The following DIP2A variants were observed in gnomAD, a reference collection of about 807,000 sequenced individuals.
DIP2A encodes disco-interacting protein 2 homolog A.
A neutral mutation model predicts 177.4 loss-of-function variants in DIP2A; 85 were observed. The observed-to-expected ratio is 0.48, with a 90% CI of 0.40 to 0.57. The LOEUF (loss-of-function observed/expected upper bound fraction) is 0.57. DIP2A is among the 20% of genes least tolerant of loss of function. The pLI is 0.00. For missense variants in DIP2A, 1,791 were observed against 2,100.2 expected, an observed-to-expected ratio of 0.85 and a Z score of 2.88; for synonymous variants, 886 against 881.8, an observed-to-expected ratio of 1.00 and a Z score of -0.08.
At chr21:46,534,256 G>A (rs2059469304) in intron 12 of DIP2A, 143 bp downstream of exon 12, 2 of 685,188 alleles carry the variant, frequency 2.9e-6, no homozygotes, top group Non-Finnish European at 5.0e-6. Flanking sequence ...TGGAAATACA[G>A]AGTGTCATAT....
chr21:46,534,921 C>G (rs1417733928), intron 13 of DIP2A, among the ~76,000 whole-genome samples: 1 of 152,054 alleles, frequency 6.6e-6, no homozygotes, highest in Non-Finnish European at 1.5e-5. Flanking sequence ...TCCAGACAAC[C>G]CCATCAGGGT....
chr21:46,471,428 C>T (rs893502851), intron 1 of DIP2A, among the ~76,000 whole-genome samples: 1 of 152,192 alleles, frequency 6.6e-6, no homozygotes, highest in African/African-American at 2.4e-5. Flanking sequence ...TATACGTGTA[C>T]AGCCTCCCGC....
chr21:46,464,817 C>CTTTTTTTTTTTTTTTTTTTTT lies in DIP2A; in HGVS notation c.91+5602_91+5622dup, dbSNP rs1168153777. ...TCTTCCTTTTTCTTAATATTCATGT[C>CTTTTTTTTTTTTTTTTTTTTT]TTTTTTTTTTTTTTTTTTTTTTTTT... On this transcript the variant is annotated intron_variant, in intron 1 of 37. Transcript: ENST00000417564. Among the ~76,000 whole-genome samples the CTTTTTTTTTTTTTTTTTTTTT allele has an allele frequency of 3.9e-4, 29 of 73,438 alleles. 5 individuals carry two copies. Among genetic ancestry groups the CTTTTTTTTTTTTTTTTTTTTT allele is most frequent in the Non-Finnish European group, 5.7e-4 (23 of 40,368 alleles). The allele number at this position is 73,438 out of a possible 152,430, so 48.2% of individuals were successfully genotyped here.
In DIP2A at chr21:46,551,713, C is replaced by A; in HGVS notation, c.2919C>A (p.Ala973=). The A allele has an allele frequency of 6.2e-7, 1 of 1,613,966 alleles. No homozygotes were observed. The highest frequency in any genetic ancestry group is 8.5e-7 in the Non-Finnish European group (1 of 1,179,892). Residue 973 remains alanine, a synonymous_variant, in exon 24 of 38, where the codon GCC becomes GCA. Transcript: ENST00000417564. ...RIAQASGREL[A]HLEDSDQARK... Reference sequence around the variant, plus strand: ...CTCAGGCTTCCGGGAGAGAGCTCGCCCACCTGGAGGACAGCGACCAGGCAC... The same window carrying A: ...CTCAGGCTTCCGGGAGAGAGCTCGCACACCTGGAGGACAGCGACCAGGCAC...
intron 25 of DIP2A, among the ~76,000 whole-genome samples, chr21:46,552,523 G>T (rs967876389): frequency 6.6e-6 from 1 of 152,158 alleles, no homozygotes; most frequent in Non-Finnish European, 1.5e-5. Flanking sequence ...ACCCTGCAAG[G>T]CTTCCTGTCC....
intron 8 of DIP2A, among the ~76,000 whole-genome samples, chr21:46,514,617 C>CTTTTTTTTTTTT (rs752628688): frequency 1.3e-4 from 9 of 70,510 alleles, no homozygotes; most frequent in Admixed American, 2.4e-4. Flanking sequence ...AACTTTTATT[C>CTTTTTTTTTTTT]TTTTTTTTTT....
the DIP2A span, among the ~76,000 whole-genome samples, chr21:46,580,585 G>A: frequency 6.6e-6 from 1 of 152,200 alleles, no homozygotes; most frequent in Non-Finnish European, 1.5e-5. Flanking sequence ...GCTGGTAATA[G>A]TTTTTCCTTT....
In DIP2A at chr21:46,532,169, G is replaced by A; in HGVS notation, c.1237G>A (p.Val413Ile). The part of the protein sequence containing the change: ...FPNSDPVMFM[V>I]AFYGCLLAEL... ...GAATAGTGACCCTGTGATGTTCATG[G>A]TTGCATTTTATGGGTGTCTCCTGGC... The change falls in exon 10 of 38, where the codon GTT becomes ATT. Residue 413 changes from valine to isoleucine, a missense_variant. Transcript: ENST00000417564. The A allele has an allele frequency of 6.2e-7, 1 of 1,613,880 alleles. No homozygotes were observed. Among genetic ancestry groups the A allele is most frequent in the Non-Finnish European group, 8.5e-7 (1 of 1,179,846 alleles).
At chr21:46,512,830 C>CT (rs34912235) in intron 8 of DIP2A, among the ~76,000 whole-genome samples, 12 of 150,116 alleles carry the variant, frequency 8.0e-5, no homozygotes, top group South Asian at 4.2e-4. Flanking sequence ...ACAAAAAAAA[C>CT]TTTTTTTTTG....
At position 46,557,498 on chromosome 21, in the gene DIP2A, A is replaced by AAAAG. The variant is rs1338779844; in HGVS notation, c.3630-84_3630-81dup. 5.6e-6 allele frequency: 8 copies of AAAAG among 1,441,376 alleles called. No individual in the cohort carries two copies. The Middle Eastern group carries it at 7.4e-4, about 134-fold the overall frequency. 89.3% of individuals were successfully genotyped at this position (1,441,376 alleles called of 1,614,324 possible). The stretch of plus-strand genomic sequence containing the variant: ...GAAATCATGCCCCTGTTGTGGCTGG[A>AAAAG]AAAGAAGTGTTCTTGAGGAAGGGAA... On this transcript the variant is annotated intron_variant, in intron 30 of 37. Transcript: ENST00000417564. This position sits in a 1 kb window ranked among gnomAD's most constrained non-coding sequence, Gnocchi z 6.0.
intron 1 of DIP2A, among the ~76,000 whole-genome samples, chr21:46,480,515 C>T (rs568975199): frequency 1.4e-4 from 21 of 152,108 alleles, no homozygotes; most frequent in Non-Finnish European, 1.9e-4. Context: ...TGCTCTGTGT[C>T]GGCACCTCCA....
intron 32 of DIP2A, among the ~76,000 whole-genome samples, chr21:46,559,699 GTTTGC>G (rs2060602133): frequency 6.6e-6 from 1 of 152,226 alleles, no homozygotes; most frequent in Admixed American, 6.5e-5. Flanking sequence ...GGATGTTCAC[GTTTGC>G]TCTTTAAGAT....
chr21:46,574,608 CAG>C (rs1415805149), downstream of DIP2A, among the ~76,000 whole-genome samples: 5 of 151,946 alleles, frequency 3.3e-5, no homozygotes, highest in Non-Finnish European at 5.9e-5. Flanking sequence ...TTACTAAAAT[CAG>C]AAATAAAATT....
chr21:46,514,250 C>T (rs1230649105), intron 8 of DIP2A, among the ~76,000 whole-genome samples: 2 of 151,910 alleles, frequency 1.3e-5, no homozygotes, highest in Non-Finnish European at 2.9e-5. Flanking sequence ...CTGGCTAACG[C>T]GGTGAAACCC....
At chr21:46,489,100 TGTGTGTGTGG>T in intron 2 of DIP2A, among the ~76,000 whole-genome samples, 1 of 151,512 alleles carries the variant, frequency 6.6e-6, no homozygotes, top group South Asian at 2.1e-4. Context: ...CAAACACACG[TGTGTGTGTGG>T]GTGTGTGTGT....
At chr21:46,550,093 G>T in intron 22 of DIP2A, 2 of 1,287,320 alleles carry the variant, frequency 1.6e-6, no homozygotes, top group Non-Finnish European at 2.0e-6. Flanking sequence ...ATACAATATA[G>T]AATAATTAAT....
chr21:46,513,798 A>T, intron 8 of DIP2A, among the ~76,000 whole-genome samples: 1 of 152,114 alleles, frequency 6.6e-6, no homozygotes, highest in Non-Finnish European at 1.5e-5. Context: ...TGATTTTTGG[A>T]CTTGTGATGC....
intron 1 of DIP2A, among the ~76,000 whole-genome samples, chr21:46,484,183 G>A (rs778926091): frequency 6.6e-6 from 1 of 152,134 alleles, no homozygotes; most frequent in Non-Finnish European, 1.5e-5. Context: ...GATAAAGTGC[G>A]GATTTGGATT....
chr21:46,498,518 G>A lies in DIP2A; in HGVS notation c.404-64G>A. On this transcript the variant is annotated intron_variant, in intron 4 of 37. Transcript: ENST00000417564. This position sits in a 1 kb window ranked among gnomAD's most constrained non-coding sequence, Gnocchi z 4.3. ...AGGTCTGGGAGGCTCCAGTGTGAGT[G>A]GGAACTCCGTCCTCCTCTTGACTCA... The A allele has an allele frequency of 1.9e-6, 3 of 1,546,078 alleles. No homozygotes were observed. Among genetic ancestry groups the A allele is most frequent in the Non-Finnish European group, 2.6e-6 (3 of 1,144,526 alleles).
Sources: allele counts gnomAD v4.1 joint callset (sites outside exome capture counted in the v4.1 genomes callset), GRCh38; gene constraint gnomAD v4.1.1; non-coding constraint Gnocchi (gnomAD v3.1); transcripts MANE v1.5; gene names NCBI Gene and HGNC (gene_info 2026-07-23, HGNC 2026-07-21).